DHX57: variants seen among roughly 807,000 people sequenced by gnomAD.
DHX57 encodes DExH-box helicase 57, also known as putative ATP-dependent RNA helicase DHX57.
In DHX57, 105 loss-of-function variants were observed where a neutral mutation model predicts 156.2. That is an observed-to-expected ratio of 0.67 (90% CI 0.57 to 0.79). The LOEUF (loss-of-function observed/expected upper bound fraction) is 0.79, where lower values mean the gene tolerates loss of function less well. DHX57 is among the 30% of genes least tolerant of loss of function. DHX57 has a pLI of 0.00. For missense variants in DHX57, 1,847 were observed against 1,661.9 expected, an observed-to-expected ratio of 1.11 and a Z score of -1.94; for synonymous variants, 704 against 595.6, an observed-to-expected ratio of 1.18 and a Z score of -2.65.
chr2:38,814,869 T>C (rs144175286), intron 20 of DHX57, among the ~76,000 whole-genome samples: 173 of 151,800 alleles, frequency 1.1e-3, no homozygotes, highest in Non-Finnish European at 2.1e-3. Flanking sequence ...ATTACAGGCA[T>C]GTGCTACCAT....
In DHX57 at chr2:38,825,874, C is replaced by G. The variant is rs763927385; in HGVS notation, c.2987G>C (p.Arg996Thr). 6.2e-7 allele frequency: 1 copy of G among 1,614,086 alleles called. No individual in the cohort carries two copies. The highest frequency in any genetic ancestry group is 8.5e-7 in the Non-Finnish European group (1 of 1,180,008). Residue 996 changes from arginine to threonine, a missense_variant, in exon 16 of 24, where the codon AGA becomes ACA. Transcript: ENST00000457308. The stretch of plus-strand genomic sequence containing the variant: ...TAGACACAGCTGTTCCAATGGCACT[C>G]TTTGTATTTCTGGTAGCTGTTGTTT... ...LLKQQLPEIQ[R>T]VPLEQLCLRI...
rs750192279 is a variant in DHX57, at chr2:38,854,204, T to C, written c.1906-26A>G. 14 of 1,602,746 alleles carry C rather than the reference T, an allele frequency of 8.7e-6. No individual in the cohort carries two copies. In the South Asian group the frequency reaches 1.5e-4, roughly 17 times the overall value. On this transcript the variant is annotated intron_variant, in intron 8 of 23. Coordinates refer to ENST00000457308, the MANE Select transcript of DHX57 (RefSeq NM_198963.3). ...CTTACACATGAAAGGGCAATATAAA[T>C]CATTAATAAAATTTTCAAAAAAAGG...
rs781355415 is a variant in DHX57 at position 38,855,037 on chromosome 2, A to C, written c.1905+20T>G. 2 of 1,614,164 alleles carry C rather than the reference A, an allele frequency of 1.2e-6. No homozygotes were observed. Among genetic ancestry groups the C allele is most frequent in the South Asian group, 2.2e-5 (2 of 91,076 alleles). On this transcript the variant is annotated intron_variant, in intron 8 of 23. Coordinates refer to ENST00000457308, the MANE Select transcript of DHX57 (RefSeq NM_198963.3). ...AAACCATAAATTTCTGTTACCAGGA[A>C]ATAAGCAGAGCATACAAACCTTGAC...
At chr2:38,856,251 A>G in intron 7 of DHX57, 89 bp downstream of exon 7, 1 of 1,508,652 alleles carries the variant, frequency 6.6e-7, no homozygotes, top group Non-Finnish European at 8.8e-7. Context: ...ATCCAGCTAC[A>G]GTTTTTAACA....
intron 12 of DHX57, among the ~76,000 whole-genome samples, chr2:38,840,238 C>G (rs1671912549): frequency 1.3e-5 from 2 of 152,064 alleles, no homozygotes; most frequent in Non-Finnish European, 2.9e-5. Context: ...AGCCACTGTG[C>G]CCAGCCAAAT....
intron 11 of DHX57, 37 bp from the exon 12 acceptor site, chr2:38,843,247 G>C: frequency 6.9e-6 from 11 of 1,603,688 alleles, no homozygotes; most frequent in Non-Finnish European, 9.4e-6. Context: ...TGTGTATGTG[G>C]TCCTGTTGGT....
rs1558377053 is a variant in DHX57, at chr2:38,832,443, A to G, written c.2543-4007T>C. 2.6e-5 allele frequency among the ~76,000 whole-genome samples: 4 copies of G among 152,138 alleles called. No individual in the cohort carries two copies. The South Asian group carries it at 8.3e-4, about 31-fold the overall frequency. On this transcript the variant is annotated intron_variant, in intron 13 of 23. Transcript: ENST00000457308. The stretch of plus-strand genomic sequence containing the variant: ...GTGACAGAGACTCTGTCTCAAAAAA[A>G]AGAAAAGAAAACCACATAATGATTA...
rs1672336016 is a variant in DHX57 at position 38,847,234 on chromosome 2, T to C, written c.2165-161A>G. 2.6e-5 allele frequency among the ~76,000 whole-genome samples: 4 copies of C among 152,198 alleles called. No homozygotes were observed. In the South Asian group the frequency reaches 8.3e-4, roughly 32 times the overall value. On this transcript the variant is annotated intron_variant, in intron 10 of 23. Transcript: ENST00000457308. ...GAAGAAAAGTTCTGGTAACAGAAAT[T>C]GGAAAGGGCAGATTTCAGTCAGTAA...
Position 38,863,465 on chromosome 2 carries a change from T to A in DHX57, c.279A>T (p.Lys93Asn). Reference sequence around the variant, plus strand: ...GTAGAGTCTGAAGGGGTACTTTGGCTTTGGGTTTCCATTTTGGGCGTGACT... The same window carrying A: ...GTAGAGTCTGAAGGGGTACTTTGGCATTGGGTTTCCATTTTGGGCGTGACT... ...KGESRPKWKP[K>N]AKVPLQTLHM... Residue 93 changes from lysine (K) to asparagine (N), a missense_variant, in exon 3 of 24, where the codon AAA becomes AAT. Transcript: ENST00000457308. 6.2e-7 allele frequency: 1 copy of A among 1,614,132 alleles called. No individual in the cohort carries two copies. The highest frequency in any genetic ancestry group is 1.3e-5 in the African/African-American group (1 of 75,030).
chr2:38,830,905 G>A (rs3099987), intron 13 of DHX57, among the ~76,000 whole-genome samples: 53,992 of 151,572 alleles, frequency 0.36, 9,811 homozygotes, highest in Admixed American at 0.37. Context: ...ACCAGTCTGG[G>A]CAACACAAGG....
intron 2 of DHX57, among the ~76,000 whole-genome samples, chr2:38,867,410 T>C (rs1167943705): frequency 1.3e-5 from 2 of 152,244 alleles, no homozygotes; most frequent in Non-Finnish European, 2.9e-5. Context: ...ATTTATTCAT[T>C]AGTTAAAAGT....
chr2:38,851,889 A>G (rs1672611957), intron 9 of DHX57, among the ~76,000 whole-genome samples: 1 of 152,146 alleles, frequency 6.6e-6, no homozygotes, highest in Non-Finnish European at 1.5e-5. Context: ...TTCTTCTTTC[A>G]GATGTTCATT....
At position 38,862,105 on chromosome 2, in the gene DHX57, G is replaced by T. The variant is rs371511612; in HGVS notation, c.572+40C>A. 2.8e-5 allele frequency: 43 copies of T among 1,542,018 alleles called. No homozygotes were observed. The African/African-American group carries it at 4.4e-4, about 16-fold the overall frequency. On this transcript the variant is annotated intron_variant, in intron 4 of 23. Transcript: ENST00000457308. The stretch of plus-strand genomic sequence containing the variant: ...GGGTTTATATGATTTCGGTTTCCTT[G>T]AATTCTTTCCCAACTCCCATAAATG...
At chr2:38,808,695 C>T (rs868416357) in intron 21 of DHX57, among the ~76,000 whole-genome samples, 2 of 152,148 alleles carry the variant, frequency 1.3e-5, no homozygotes, top group Non-Finnish European at 2.9e-5. Context: ...TATATTCCCA[C>T]CCAGAGTAAG....
At chr2:38,845,765 T>C (rs1164602447) in intron 11 of DHX57, among the ~76,000 whole-genome samples, 1 of 152,228 alleles carries the variant, frequency 6.6e-6, no homozygotes, top group Non-Finnish European at 1.5e-5. Flanking sequence ...ATTAACATTT[T>C]CTACCTAGCA....
chr2:38,806,476 A>G (rs1669940829), intron 22 of DHX57, 83 bp downstream of exon 22: 1 of 1,501,684 alleles, frequency 6.7e-7, no homozygotes, highest in Admixed American at 1.8e-5. Flanking sequence ...CAAGTGATAG[A>G]ACATGGTGTG....
intron 11 of DHX57, among the ~76,000 whole-genome samples, chr2:38,845,571 T>C (rs962794317): frequency 1.3e-5 from 2 of 152,150 alleles, no homozygotes; most frequent in African/African-American, 2.4e-5. Flanking sequence ...GGAATGAAGA[T>C]ACTAATCTGG....
At chr2:38,870,773 G>A (rs1485318399) in intron 1 of DHX57, among the ~76,000 whole-genome samples, 3 of 151,970 alleles carry the variant, frequency 2.0e-5, no homozygotes, top group Admixed American at 6.6e-5. Context: ...CAGCTGCTTC[G>A]GAGGCTGAGG....
chr2:38,860,201 G>C (rs569399810), intron 5 of DHX57, among the ~76,000 whole-genome samples: 2 of 151,962 alleles, frequency 1.3e-5, no homozygotes, highest in Non-Finnish European at 2.9e-5. Context: ...TGTAATCCCA[G>C]CACTTTGGGA....
Sources: gnomAD v4.1 joint callset for allele counts (sites outside exome capture counted in the v4.1 genomes callset) on GRCh38, gnomAD v4.1.1 for gene constraint, MANE v1.5 for transcripts, NCBI Gene and HGNC (gene_info 2026-07-23, HGNC 2026-07-21) for gene names.